The following PHLPP2 variants were observed in gnomAD, a reference collection of about 807,000 sequenced individuals.
PHLPP2 encodes the protein PH domain leucine-rich repeat-containing protein phosphatase 2.
Under a neutral mutation model 124.9 loss-of-function variants are expected in PHLPP2, and 66 were observed. That is an observed-to-expected ratio of 0.53 (90% CI 0.43 to 0.65). The LOEUF (loss-of-function observed/expected upper bound fraction) is 0.65, where lower values mean the gene tolerates loss of function less well. Among genes scored for constraint, PHLPP2 ranks in the 30% least tolerant of loss-of-function variants. PHLPP2 has a pLI of 0.00. For missense variants in PHLPP2, 1,685 were observed against 1,600.4 expected (o/e 1.05, Z -0.90); for synonymous variants, 681 against 624.7 (o/e 1.09, Z -1.34).
intron 12 of PHLPP2, among the ~76,000 whole-genome samples, chr16:71,664,707 G>C (rs1194615079): frequency 5.3e-5 from 8 of 152,090 alleles, no homozygotes; most frequent in Non-Finnish European, 1.2e-4. Flanking sequence ...AGCCGAGATC[G>C]TGCCACTGCA....
Position 71,649,474 on chromosome 16 carries a change from G to A in PHLPP2, c.3388C>T (p.Gln1130Ter). ...LHPTPTSGLF[Q>*]RQPSSATFSS... is the part of the protein sequence containing the mutation. The stretch of plus-strand genomic sequence containing the variant: ...AAGGTAGCAGAAGAAGGCTGGCGCT[G>A]AAACAGCCCAGAGGTGGGTGTTGGG... The change falls in exon 19 of 19, where the codon CAG becomes TAG. Residue 1130 changes from glutamine to a stop codon, truncating the protein, a stop_gained. Coordinates refer to ENST00000568954, the MANE Select transcript of PHLPP2 (RefSeq NM_015020.3). LOFTEE classifies it high-confidence loss of function. The A allele has an allele frequency of 6.2e-7, 1 of 1,614,158 alleles. No individual in the cohort carries two copies. Among genetic ancestry groups the A allele is most frequent in the Non-Finnish European group, 8.5e-7 (1 of 1,180,020 alleles).
Position 71,681,778 on chromosome 16 carries a change from C to G in PHLPP2, c.863G>C (p.Arg288Thr). 1 of 1,613,660 alleles carries G rather than the reference C, an allele frequency of 6.2e-7. No homozygotes were observed. Among genetic ancestry groups the G allele is most frequent in the Non-Finnish European group, 8.5e-7 (1 of 1,179,810 alleles). The part of the protein sequence containing the change: ...NLRHNFMQLE[R>T]PGGLDTLYKF... ...GTAGAGTGTATCGAGGCCTCCGGGT[C>G]TTTCTAACTGCATGAAGTTGTGTCG... The change falls in exon 6 of 19, where the codon AGA (arginine) becomes ACA (threonine). Residue 288 changes from arginine to threonine, a missense_variant. Arg to Thr is a moderately conservative substitution (Grantham distance 71). Transcript: ENST00000568954.
intron 15 of PHLPP2, among the ~76,000 whole-genome samples, chr16:71,656,975 CTCT>C (rs1199269489): frequency 6.6e-6 from 1 of 151,616 alleles, no homozygotes; most frequent in Non-Finnish European, 1.5e-5. Flanking sequence ...GACGATCTCC[CTCT>C]GTTGCCCAGG....
intron 13 of PHLPP2, among the ~76,000 whole-genome samples, chr16:71,662,103 T>C (rs1013215856): frequency 9.9e-5 from 15 of 151,212 alleles, no homozygotes; most frequent in Admixed American, 5.3e-4. Flanking sequence ...ATTACAGGCA[T>C]GAGCGGCCAC....
At chr16:71,664,661 A>C (rs1437301282) in intron 12 of PHLPP2, among the ~76,000 whole-genome samples, 2 of 152,134 alleles carry the variant, frequency 1.3e-5, no homozygotes, top group Non-Finnish European at 2.9e-5. Flanking sequence ...CTGAGGCAGG[A>C]GAATTGCTTG....
At chr16:71,661,269 C>A (rs952146953) in intron 13 of PHLPP2, among the ~76,000 whole-genome samples, 8 of 151,958 alleles carry the variant, frequency 5.3e-5, no homozygotes, top group African/African-American at 1.9e-4. Flanking sequence ...CAGGGTTTCA[C>A]CATGTTGCCC....
intron 1 of PHLPP2, among the ~76,000 whole-genome samples, chr16:71,716,072 A>G (rs2045361340): frequency 1.3e-5 from 2 of 152,250 alleles, no homozygotes; most frequent in South Asian, 4.1e-4. Flanking sequence ...ATCCTTAACA[A>G]TACTTATGTT....
Position 71,649,717 on chromosome 16 carries a change from G to C in PHLPP2, c.3145C>G (p.Leu1049Val), listed in dbSNP as rs751946290. The C allele has an allele frequency of 2.5e-6, 4 of 1,614,174 alleles. No individual in the cohort carries two copies. The East Asian group carries it at 8.9e-5, about 36-fold the overall frequency. Reference sequence around the variant, plus strand: ...GAAGCAAATCCCACAGGACCTGGGAGGGTGAGCCCATTCATTTCACAAGTG... The same window carrying C: ...GAAGCAAATCCCACAGGACCTGGGACGGTGAGCCCATTCATTTCACAAGTG... ...GCTCEMNGLT[L>V]PGPVGFASTT... The change falls in exon 19 of 19, where the codon CTC becomes GTC. Residue 1049 changes from leucine (L) to valine (V), a missense_variant. Coordinates refer to ENST00000568954, the MANE Select transcript of PHLPP2 (RefSeq NM_015020.3).
Position 71,648,822 on chromosome 16 carries a change from G to A in PHLPP2, c.*68C>T. 2.8e-6 allele frequency: 3 copies of A among 1,083,698 alleles called. No individual in the cohort carries two copies. Among genetic ancestry groups the A allele is most frequent in the East Asian group, 2.4e-5 (1 of 42,192 alleles). The allele number at this position is 1,083,698 out of a possible 1,614,324, so 67.1% of individuals were successfully genotyped here. A position where few individuals can be genotyped will look rare whatever the true frequency, so the allele number is the denominator to read the frequency against. ...ACAAACAAAAAGAAATGTAGAGGCAGAATGCCTCTAGCAAGTCCCTACCCC... is the reference window on the plus strand; with the variant it reads ...ACAAACAAAAAGAAATGTAGAGGCAAAATGCCTCTAGCAAGTCCCTACCCC... On this transcript the variant is annotated 3_prime_UTR_variant, in exon 19 of 19. Transcript: ENST00000568954.
rs1158067155 is a variant in PHLPP2, at chr16:71,646,677, GTTATTTCA to G, written c.*2205_*2212del. On this transcript the variant is annotated 3_prime_UTR_variant, in exon 19 of 19. Transcript: ENST00000568954. ...TTACATCACTCATCACTATCATCCT[GTTATTTCA>G]TTTTCATTTTTTCTTCATTAAAAAA... 8.5e-6 allele frequency: 1 copy of G among 117,554 alleles called. No homozygotes were observed. Among genetic ancestry groups the G allele is most frequent in the Non-Finnish European group, 2.0e-5 (1 of 51,098 alleles). The allele number at this position is 117,554 out of a possible 1,614,324, so 7.3% of individuals were successfully genotyped here.
intron 3 of PHLPP2, among the ~76,000 whole-genome samples, chr16:71,697,215 T>A (rs199563302): frequency 1.5e-3 from 121 of 82,654 alleles, no homozygotes; most frequent in South Asian, 4.0e-3. Context: ...AATAAATAAA[T>A]AAAAAGAAAC....
Position 71,714,606 on chromosome 16 carries a change from G to C in PHLPP2, c.190C>G (p.Leu64Val), listed in dbSNP as rs1208715833. Reference protein sequence around the residue: ...SSSSSSSDLHLVLCTVETPAS... With the variant: ...SSSSSSSDLHVVLCTVETPAS... ...GGTGTCTCTACAGTGCAAAGGACGA[G>C]ATGTAAGTCAGAGGAAGAGGAGGAG... Residue 64 changes from leucine to valine, a missense_variant, in exon 2 of 19, where the codon CTC (leucine) becomes GTC (valine). Physicochemically the swap from Leu to Val is conservative, Grantham distance 32. Coordinates refer to ENST00000568954, the MANE Select transcript of PHLPP2 (RefSeq NM_015020.3). The C allele has an allele frequency of 6.2e-7, 1 of 1,614,132 alleles. No homozygotes were observed. Among genetic ancestry groups the C allele is most frequent in the Admixed American group, 1.7e-5 (1 of 60,022 alleles).
intron 12 of PHLPP2, chr16:71,664,341 T>C (rs1260576254): frequency 3.8e-5 from 21 of 555,880 alleles, no homozygotes; most frequent in Non-Finnish European, 6.4e-5. Context: ...CCCAGGCTTC[T>C]GGAGTGCCTG....
intron 1 of PHLPP2, chr16:71,723,673 C>G: frequency 1.9e-6 from 1 of 520,244 alleles, no homozygotes; most frequent in Non-Finnish European, 3.0e-6. Flanking sequence ...CTGCGCGGGG[C>G]GGGGGCGGCA....
chr16:71,668,702 T>C (rs1326153397), intron 11 of PHLPP2, among the ~76,000 whole-genome samples: 3 of 152,010 alleles, frequency 2.0e-5, no homozygotes, highest in African/African-American at 7.2e-5. Context: ...AGGTTGATGC[T>C]GCAGTGAGGA....
chr16:71,674,561 T>A (rs2145331816), intron 9 of PHLPP2, among the ~76,000 whole-genome samples: 1 of 150,604 alleles, frequency 6.6e-6, no homozygotes, highest in South Asian at 2.3e-4. Flanking sequence ...ATACATTTAA[T>A]TATGCACTTT....
intron 3 of PHLPP2, among the ~76,000 whole-genome samples, chr16:71,699,913 A>G (rs2145366156): frequency 6.6e-6 from 1 of 152,294 alleles, no homozygotes; most frequent in Admixed American, 6.5e-5. Context: ...TACATCCCAC[A>G]AAGGGTGGAG....
chr16:71,699,956 C>T (rs1567626080), intron 3 of PHLPP2, among the ~76,000 whole-genome samples: 2 of 152,216 alleles, frequency 1.3e-5, no homozygotes, highest in Non-Finnish European at 1.5e-5. Context: ...GGTTTGTTCC[C>T]ACCAGCGTCC....
chr16:71,656,821 GCTC>G (rs2044746031), intron 15 of PHLPP2, 140 bp from the exon 16 acceptor site: 2 of 545,542 alleles, frequency 3.7e-6, no homozygotes, highest in African/African-American at 1.9e-5. Flanking sequence ...TGTGACCTCA[GCTC>G]ACTGCAACTG....
Sources: gnomAD v4.1 joint callset for allele counts (sites outside exome capture counted in the v4.1 genomes callset) on GRCh38, gnomAD v4.1.1 for gene constraint, MANE v1.5 for transcripts, NCBI Gene and HGNC (gene_info 2026-07-23, HGNC 2026-07-21) for gene names.